NUP62CL: variants seen among roughly 807,000 people sequenced by gnomAD.
NUP62CL encodes the protein nucleoporin 62 C-terminal like.
NUP62CL carries 13 observed loss-of-function variants against 15.3 expected under a neutral mutation model. That is an observed-to-expected ratio of 0.85 (90% CI 0.55 to 1.35). NUP62CL has a LOEUF of 1.35. Ranked by LOEUF, NUP62CL falls within the 40% of genes most tolerant of loss-of-function variation. The pLI is 0.00. For missense variants in NUP62CL, 123 were observed against 130.6 expected, an observed-to-expected ratio of 0.94 and a Z score of 0.28; for synonymous variants, 54 against 49.2, an observed-to-expected ratio of 1.10 and a Z score of -0.41.
intron 7 of NUP62CL, 32 bp from the exon 8 acceptor site, chrX:107,147,841 A>G: frequency 1.8e-6 from 2 of 1,107,035 alleles, no homozygotes; most frequent in Non-Finnish European, 2.5e-6. Context: ...TTAGATTATG[A>G]TTATTCTGAG....
intron 2 of NUP62CL, among the ~76,000 whole-genome samples, chrX:107,190,013 C>G (rs1927202211): frequency 9.0e-6 from 1 of 110,781 alleles, no homozygotes; most frequent in Admixed American, 9.6e-5. Flanking sequence ...AAGGCATTCC[C>G]AAAAGATTAT....
At chrX:107,153,129 CG>C in intron 7 of NUP62CL, 42 bp downstream of exon 7, 1 of 1,145,001 alleles carries the variant, frequency 8.7e-7, no homozygotes, top group Non-Finnish European at 1.2e-6. Context: ...TCTCAGAATA[CG>C]TAAGTCCTGC....
intron 8 of NUP62CL, among the ~76,000 whole-genome samples, chrX:107,137,122 TAAA>T (rs112653067): frequency 0.054 from 5,985 of 111,732 alleles, 402 homozygotes; most frequent in African/African-American, 0.19. Flanking sequence ...TATCATGAGT[TAAA>T]GAAGAAAAAT....
chrX:107,171,298 T>G lies in NUP62CL; in HGVS notation c.59-3514A>C, dbSNP rs749363073. 2.7e-3 allele frequency among the ~76,000 whole-genome samples: 298 copies of G among 111,713 alleles called. 2 individuals are homozygous for G. The highest frequency in any genetic ancestry group is 9.3e-3 in the African/African-American group (285 of 30,739). On this transcript the variant is annotated intron_variant, in intron 3 of 8. Transcript: ENST00000372466. ...AAGAAAACACCCCAAATTGGGGCTG[T>G]CAGGTTGAGACATACCTAATGGGGA...
intron 2 of NUP62CL, among the ~76,000 whole-genome samples, chrX:107,189,819 A>AGGG (rs1927165292): frequency 9.4e-5 from 6 of 63,943 alleles, no homozygotes; most frequent in African/African-American, 3.5e-4. Flanking sequence ...AGAAAGAAAG[A>AGGG]AAGAAGGAGG....
At position 107,189,945 on chromosome X, in the gene NUP62CL, GA is replaced by G. The variant is rs1927199905; in HGVS notation, c.-48+3083del. Reference sequence around the variant, plus strand: ...AGAAAGAAAGAAAGAAAGAAAGAAAGAGAATCGATACAGACAACAATCTGGA... The same window carrying G: ...AGAAAGAAAGAAAGAAAGAAAGAAAGGAATCGATACAGACAACAATCTGGA... On this transcript the variant is annotated intron_variant, in intron 2 of 8. Coordinates refer to ENST00000372466, the MANE Select transcript of NUP62CL (RefSeq NM_017681.3). Among the ~76,000 whole-genome samples, 11 of 88,795 alleles carry G rather than the reference GA, an allele frequency of 1.2e-4. No individual in the cohort carries two copies. The South Asian group carries it at 1.5e-3, about 12-fold the overall frequency. The allele number at this position is 88,795 out of a possible 115,157, so 77.1% of individuals were successfully genotyped here. A position where few individuals can be genotyped will look rare whatever the true frequency, so the allele number is the denominator to read the frequency against.
chrX:107,172,073 G>A (rs1240439567), intron 3 of NUP62CL, among the ~76,000 whole-genome samples: 1 of 108,314 alleles, frequency 9.2e-6, no homozygotes, highest in Non-Finnish European at 1.9e-5. Flanking sequence ...CCTACAAGCT[G>A]AGCACTTTGG....
At chrX:107,133,758 T>C (rs769994592) in intron 8 of NUP62CL, among the ~76,000 whole-genome samples, 1 of 111,900 alleles carries the variant, frequency 8.9e-6, no homozygotes, top group African/African-American at 3.2e-5. Context: ...GCCAACATGG[T>C]GAAACCCCGT....
chrX:107,196,130 G>A (rs1033769107), intron 1 of NUP62CL, among the ~76,000 whole-genome samples: 12 of 111,100 alleles, frequency 1.1e-4, no homozygotes, highest in Admixed American at 3.8e-4. Flanking sequence ...AATAATTTAA[G>A]AATCTTCCTA....
chrX:107,179,101 A>AAAAAG (rs975256580), intron 2 of NUP62CL, among the ~76,000 whole-genome samples: 1 of 110,085 alleles, frequency 9.1e-6, no homozygotes, highest in South Asian at 3.9e-4. Flanking sequence ...CTCAAAAAAA[A>AAAAAG]AAAAGAAAAG....
chrX:107,140,883 C>CA (rs920311475), intron 8 of NUP62CL, among the ~76,000 whole-genome samples: 13 of 110,951 alleles, frequency 1.2e-4, no homozygotes, highest in African/African-American at 2.6e-4. Context: ...AGATGGGCCC[C>CA]AAAAAAAGCA....
At chrX:107,145,418 A>AC (rs1925863124) in intron 8 of NUP62CL, among the ~76,000 whole-genome samples, 1 of 110,722 alleles carries the variant, frequency 9.0e-6, no homozygotes, top group East Asian at 2.8e-4. Context: ...AATGATTTCC[A>AC]CCCCCCAATT....
intron 8 of NUP62CL, among the ~76,000 whole-genome samples, chrX:107,137,889 G>A (rs185080699): frequency 1.1e-3 from 120 of 111,688 alleles, no homozygotes; most frequent in Non-Finnish European, 2.1e-3. Flanking sequence ...GTAGAATAAA[G>A]TGAGAAGAAT....
intron 4 of NUP62CL, among the ~76,000 whole-genome samples, chrX:107,155,691 T>A (rs1247290222): frequency 2.7e-5 from 3 of 111,243 alleles, no homozygotes; most frequent in Non-Finnish European, 5.7e-5. Context: ...GAAAAAAAAA[T>A]ATGAAAATAG....
At chrX:107,154,269 A>G (rs200158663) in intron 4 of NUP62CL, 23 bp from the exon 5 acceptor site, 2 of 1,146,713 alleles carry the variant, frequency 1.7e-6, no homozygotes, top group East Asian at 3.1e-5. Context: ...AAGATGCAGG[A>G]TGATCCAATA....
intron 3 of NUP62CL, among the ~76,000 whole-genome samples, chrX:107,172,666 A>C (rs1281229614): frequency 3.6e-5 from 4 of 111,549 alleles, no homozygotes; most frequent in African/African-American, 9.8e-5. Context: ...GGCCAACTTC[A>C]ATAGAGGTCA....
chrX:107,160,000 G>T lies in NUP62CL; in HGVS notation c.195-5754C>A, dbSNP rs1349608374. Among the ~76,000 whole-genome samples the T allele has an allele frequency of 2.5e-3, 254 of 103,514 alleles. 2 individuals are homozygous for T. The highest frequency in any genetic ancestry group is 8.3e-3 in the African/African-American group (231 of 27,963). 89.9% of individuals were successfully genotyped at this position (103,514 alleles called of 115,157 possible). A position where few individuals can be genotyped will look rare whatever the true frequency, so the allele number is the denominator to read the frequency against. On this transcript the variant is annotated intron_variant, in intron 4 of 8. Coordinates refer to ENST00000372466, the MANE Select transcript of NUP62CL (RefSeq NM_017681.3). The stretch of plus-strand genomic sequence containing the variant: ...TATACACCAACAACAGACAAACAGA[G>T]AGCCAAATCATGAGTGAACTCCCAT...
chrX:107,170,410 T>C (rs1926620268), intron 3 of NUP62CL, among the ~76,000 whole-genome samples: 1 of 101,025 alleles, frequency 9.9e-6, no homozygotes, highest in African/African-American at 3.8e-5. Flanking sequence ...ATGATTATTT[T>C]AACTTTTTTT....
At chrX:107,126,447 A>G (rs1357630755) in intron 8 of NUP62CL, among the ~76,000 whole-genome samples, 1 of 112,138 alleles carries the variant, frequency 8.9e-6, no homozygotes, top group Non-Finnish European at 1.9e-5. Context: ...ATAAGAACAA[A>G]CTGTAGGATT....
Sources: allele counts gnomAD v4.1 joint callset (sites outside exome capture counted in the v4.1 genomes callset), GRCh38; gene constraint gnomAD v4.1.1; transcripts MANE v1.5; gene names NCBI Gene and HGNC (gene_info 2026-07-23, HGNC 2026-07-21).